SH2D1B: variants seen among roughly 807,000 people sequenced by gnomAD.
SH2D1B encodes SH2 domain-containing protein 1B.
A neutral mutation model predicts 16.3 loss-of-function variants in SH2D1B; 11 were observed. The ratio of observed to expected loss-of-function variants is 0.67; its 90% CI spans 0.42 to 1.11. SH2D1B has a LOEUF of 1.11. Among genes scored for constraint, SH2D1B ranks in the 50% most tolerant of loss-of-function variants. The probability of loss-of-function intolerance (pLI) is 0.00; values close to 1 mark genes in which losing one functional copy is unlikely to be tolerated. For missense variants in SH2D1B, 123 were observed against 153.1 expected (o/e 0.80, Z 1.04); for synonymous variants, 55 against 56.1 (o/e 0.98, Z 0.09).
At chr1:162,399,915 G>C (rs1206420210) in intron 2 of SH2D1B, among the ~76,000 whole-genome samples, 1 of 151,856 alleles carries the variant, frequency 6.6e-6, no homozygotes, top group Non-Finnish European at 1.5e-5. Context: ...CTCTAATTTC[G>C]ATCCTCTCCA....
intron 1 of SH2D1B, among the ~76,000 whole-genome samples, chr1:162,405,477 A>C (rs1182531067): frequency 6.6e-6 from 1 of 152,256 alleles, no homozygotes; most frequent in East Asian, 1.9e-4. Context: ...AGATGAATAT[A>C]ATTTATCTTT....
Position 162,411,867 on chromosome 1 carries a change from A to C in SH2D1B, c.134+16T>G, listed in dbSNP as rs770396110. On this transcript the variant is annotated intron_variant, in intron 1 of 3. Coordinates refer to ENST00000367929, the MANE Select transcript of SH2D1B (RefSeq NM_053282.5). ...CAACATACGATGTCAGATGTGTGCAAGATGAGGCTACTCACGAGACACAGA... is the reference window on the plus strand; with the variant it reads ...CAACATACGATGTCAGATGTGTGCACGATGAGGCTACTCACGAGACACAGA... 32 of 1,614,046 alleles carry C rather than the reference A, an allele frequency of 2.0e-5. No individual in the cohort carries two copies. The highest frequency in any genetic ancestry group is 1.7e-4 in the Middle Eastern group (1 of 5,956).
chr1:162,408,905 C>T (rs937220865), intron 1 of SH2D1B, among the ~76,000 whole-genome samples: 1 of 151,966 alleles, frequency 6.6e-6, no homozygotes, highest in South Asian at 2.1e-4. Flanking sequence ...CCCAGGAGCT[C>T]GAAATCAGCC....
chr1:162,404,672 G>A (rs1046304159), intron 1 of SH2D1B, among the ~76,000 whole-genome samples: 2 of 152,106 alleles, frequency 1.3e-5, no homozygotes, highest in Non-Finnish European at 2.9e-5. Context: ...AAAATACATG[G>A]ATGGCAAATA....
intron 1 of SH2D1B, among the ~76,000 whole-genome samples, chr1:162,408,929 G>A (rs1648722166): frequency 6.6e-6 from 1 of 151,892 alleles, no homozygotes; most frequent in African/African-American, 2.4e-5. Context: ...GCAACATAGC[G>A]AGACCCCATG....
At chr1:162,403,488 GAAA>G (rs1172751501) in intron 1 of SH2D1B, among the ~76,000 whole-genome samples, 3 of 20,694 alleles carry the variant, frequency 1.4e-4, no homozygotes, top group Admixed American at 1.9e-3. Context: ...GACTCTGTCT[GAAA>G]AAAAAAAAAA....
At chr1:162,406,026 T>C (rs1368237178) in intron 1 of SH2D1B, among the ~76,000 whole-genome samples, 1 of 152,200 alleles carries the variant, frequency 6.6e-6, no homozygotes, top group Non-Finnish European at 1.5e-5. Context: ...CCCTATAATA[T>C]CAACAATGTG....
chr1:162,411,882 C>T lies in SH2D1B; in HGVS notation c.134+1G>A, dbSNP rs146301945. 212 of 1,614,098 alleles carry T rather than the reference C, an allele frequency of 1.3e-4. 1 individual carries two copies. In the African/African-American group the frequency reaches 1.9e-3, roughly 15 times the overall value. The stretch of plus-strand genomic sequence containing the variant: ...GATGTGTGCAAGATGAGGCTACTCA[C>T]GAGACACAGAGGCACAGGACTCCTG... On this transcript the variant is annotated splice_donor_variant, in intron 1 of 3. Coordinates refer to ENST00000367929, the MANE Select transcript of SH2D1B (RefSeq NM_053282.5). LOFTEE classifies it high-confidence loss of function.
intron 1 of SH2D1B, among the ~76,000 whole-genome samples, chr1:162,403,023 C>T (rs1047759252): frequency 1.3e-5 from 2 of 151,952 alleles, no homozygotes; most frequent in Non-Finnish European, 2.9e-5. Context: ...ATTCTCCTGC[C>T]TCAGCCTCCT....
At chr1:162,398,371 T>A (rs1648429324) in intron 3 of SH2D1B, among the ~76,000 whole-genome samples, 1 of 152,156 alleles carries the variant, frequency 6.6e-6, no homozygotes, top group Non-Finnish European at 1.5e-5. Flanking sequence ...ATTTCAAGAG[T>A]GTGGGTAAGG....
chr1:162,406,184 T>C (rs1029482486), intron 1 of SH2D1B, among the ~76,000 whole-genome samples: 1 of 152,214 alleles, frequency 6.6e-6, no homozygotes, highest in Non-Finnish European at 1.5e-5. Flanking sequence ...TCAGTGTGCA[T>C]GAAGATTTTT....
intron 1 of SH2D1B, among the ~76,000 whole-genome samples, chr1:162,403,488 GAAAAAA>G (rs1172751501): frequency 1.2e-3 from 24 of 20,684 alleles, no homozygotes; most frequent in Admixed American, 1.9e-3. Flanking sequence ...GACTCTGTCT[GAAAAAA>G]AAAAAAAAAA....
At chr1:162,407,372 G>A (rs2101863336) in intron 1 of SH2D1B, among the ~76,000 whole-genome samples, 1 of 152,256 alleles carries the variant, frequency 6.6e-6, no homozygotes, top group African/African-American at 2.4e-5. Context: ...TTATAACACA[G>A]ATCCAAGGTG....
At chr1:162,400,457 A>ATTTTTTTTTTTTTT (rs34822047) in intron 2 of SH2D1B, among the ~76,000 whole-genome samples, 15 of 110,828 alleles carry the variant, frequency 1.4e-4, no homozygotes, top group Admixed American at 3.2e-4. Flanking sequence ...TACCTGGCTA[A>ATTTTTTTTTTTTTT]TTTTTTTTTT....
At chr1:162,403,488 G>GAAAAAAAAAAAAAAAAAA (rs1172751501) in intron 1 of SH2D1B, among the ~76,000 whole-genome samples, 3 of 20,698 alleles carry the variant, frequency 1.4e-4, no homozygotes, top group East Asian at 1.1e-3. Flanking sequence ...GACTCTGTCT[G>GAAAAAAAAAAAAAAAAAA]AAAAAAAAAA....
chr1:162,398,846 G>T, intron 3 of SH2D1B, 77 bp downstream of exon 3: 1 of 1,461,904 alleles, frequency 6.8e-7, no homozygotes, highest in Non-Finnish European at 9.3e-7. Flanking sequence ...GCATTTGTCT[G>T]TATTGAGTTT....
At chr1:162,402,252 C>G (rs1648532263) in intron 2 of SH2D1B, among the ~76,000 whole-genome samples, 1 of 132,734 alleles carries the variant, frequency 7.5e-6, no homozygotes, top group Non-Finnish European at 1.7e-5. Flanking sequence ...GTGGCTCACG[C>G]CTGTAATCCC....
intron 1 of SH2D1B, 67 bp from the exon 2 acceptor site, chr1:162,402,869 T>C (rs1010250608): frequency 1.6e-6 from 2 of 1,246,476 alleles, no homozygotes; most frequent in African/African-American, 3.0e-5. Flanking sequence ...TATCGTTATG[T>C]TTCATATGCA....
intron 2 of SH2D1B, among the ~76,000 whole-genome samples, chr1:162,399,424 G>A (rs1278488952): frequency 1.3e-5 from 2 of 152,204 alleles, no homozygotes; most frequent in Non-Finnish European, 2.9e-5. Flanking sequence ...TGTACCTACA[G>A]GCGGGCTTTG....
Sources: allele counts gnomAD v4.1 joint callset (sites outside exome capture counted in the v4.1 genomes callset), GRCh38; gene constraint gnomAD v4.1.1; transcripts MANE v1.5; gene names NCBI Gene and HGNC (gene_info 2026-07-23, HGNC 2026-07-21).